ARHGAP32: variants seen among roughly 807,000 people sequenced by gnomAD.
ARHGAP32 encodes the protein rho GTPase-activating protein 32.
In ARHGAP32, 51 loss-of-function variants were observed where a neutral mutation model predicts 186.5. That is an observed-to-expected ratio of 0.27 (90% CI 0.22 to 0.35). The LOEUF is 0.35. Among genes scored for constraint, ARHGAP32 ranks in the 10% least tolerant of loss-of-function variants. The pLI is 1.00. For missense variants in ARHGAP32, 2,186 were observed against 2,623.5 expected (o/e 0.83, Z 3.64); for synonymous variants, 950 against 964.3 (o/e 0.99, Z 0.27).
chr11:128,982,905 A>G (rs1381632076), intron 15 of ARHGAP32, among the ~76,000 whole-genome samples: 12 of 150,926 alleles, frequency 8.0e-5, no homozygotes, highest in African/African-American at 2.9e-4. Flanking sequence ...AAAAAAAAAA[A>G]AAAAAAAAAA....
intron 6 of ARHGAP32, among the ~76,000 whole-genome samples, chr11:129,084,794 T>C (rs1354336467): frequency 6.6e-6 from 1 of 152,282 alleles, no homozygotes; most frequent in Non-Finnish European, 1.5e-5. Context: ...AGTATCAGAA[T>C]TCCTAGCTAA....
At chr11:129,090,313 T>C (rs184292318) in intron 6 of ARHGAP32, among the ~76,000 whole-genome samples, 1 of 152,296 alleles carries the variant, frequency 6.6e-6, no homozygotes, top group African/African-American at 2.4e-5. Flanking sequence ...ACAGGAGATA[T>C]TCTGAGGCAA....
chr11:129,131,703 T>G (rs572766860), intron 2 of ARHGAP32, among the ~76,000 whole-genome samples: 16 of 152,246 alleles, frequency 1.1e-4, no homozygotes, highest in African/African-American at 3.4e-4. Flanking sequence ...TAATTTGACA[T>G]GAGATTTGGA....
intron 2 of ARHGAP32, among the ~76,000 whole-genome samples, chr11:129,143,689 A>G (rs1342547019): frequency 6.6e-6 from 1 of 152,212 alleles, no homozygotes; most frequent in Non-Finnish European, 1.5e-5. Context: ...GTGCTTCTGT[A>G]AGTGAAAAGG....
intron 6 of ARHGAP32, among the ~76,000 whole-genome samples, chr11:129,081,013 G>A (rs1482331612): frequency 6.6e-6 from 1 of 151,938 alleles, no homozygotes; most frequent in Non-Finnish European, 1.5e-5. Flanking sequence ...AGAGGAGATG[G>A]ATACATTCCT....
At chr11:129,155,790 G>A (rs1382638527) in intron 2 of ARHGAP32, among the ~76,000 whole-genome samples, 1 of 152,190 alleles carries the variant, frequency 6.6e-6, no homozygotes, top group Non-Finnish European at 1.5e-5. Context: ...TGGCAAGATG[G>A]CCAAATAGGA....
intron 11 of ARHGAP32, among the ~76,000 whole-genome samples, chr11:129,013,887 C>T (rs1383792356): frequency 6.6e-6 from 1 of 152,100 alleles, no homozygotes. Flanking sequence ...TTTCTACTGA[C>T]GAAGGCAGGA....
chr11:129,212,705 T>C (rs1191296693), intron 1 of ARHGAP32, among the ~76,000 whole-genome samples: 1 of 152,186 alleles, frequency 6.6e-6, no homozygotes, highest in Admixed American at 6.5e-5. Context: ...TTACACTACA[T>C]AAATGAAATG....
chr11:129,044,883 T>C lies in ARHGAP32; in HGVS notation c.964-3874A>G, dbSNP rs941213166. 3.3e-5 allele frequency among the ~76,000 whole-genome samples: 5 copies of C among 151,422 alleles called. No individual in the cohort carries two copies. The South Asian group carries it at 8.4e-4, about 25-fold the overall frequency. ...CCTAGTTTCTAAGTTCGAGTATCTT[T>C]TGGCAAAAAAAAAAAAAAGTTTTCC... On this transcript the variant is annotated intron_variant, in intron 10 of 22. Transcript: ENST00000682385.
At chr11:129,020,879 A>G (rs1178452258) in intron 11 of ARHGAP32, among the ~76,000 whole-genome samples, 1 of 152,086 alleles carries the variant, frequency 6.6e-6, no homozygotes, top group African/African-American at 2.4e-5. Context: ...AATATATCAC[A>G]AACAACTTTG....
At position 129,218,942 on chromosome 11, in the gene ARHGAP32, A is replaced by G. The variant is rs146002201; in HGVS notation, c.-4-54515T>C. On this transcript the variant is annotated intron_variant, in intron 1 of 6. Transcript: ENST00000525234. ...GAGAAGAAACAGGAATTGAGCAAAG[A>G]AAGAAGTTGAACAGATGAACTTCAC... 4.7e-3 allele frequency among the ~76,000 whole-genome samples: 718 copies of G among 152,248 alleles called. 7 individuals carry two copies. The highest frequency in any genetic ancestry group is 0.033 in the South Asian group (161 of 4,816).
intron 11 of ARHGAP32, among the ~76,000 whole-genome samples, chr11:129,026,906 T>C (rs1050404387): frequency 6.6e-6 from 1 of 150,838 alleles, no homozygotes; most frequent in African/African-American, 2.4e-5. Flanking sequence ...GAGACCATCC[T>C]GGCTAACACA....
chr11:129,049,460 AC>A (rs774768923), intron 10 of ARHGAP32, among the ~76,000 whole-genome samples: 12 of 152,148 alleles, frequency 7.9e-5, no homozygotes, highest in Non-Finnish European at 1.5e-4. Flanking sequence ...TGAAACTATT[AC>A]CACAATCAAG....
At chr11:129,098,095 T>C (rs997576678) in intron 5 of ARHGAP32, among the ~76,000 whole-genome samples, 4 of 152,218 alleles carry the variant, frequency 2.6e-5, no homozygotes, top group Non-Finnish European at 5.9e-5. Context: ...GAGATGTTCC[T>C]AGATTTTAAA....
At chr11:129,128,892 T>G (rs572869514) in intron 2 of ARHGAP32, among the ~76,000 whole-genome samples, 163 of 152,302 alleles carry the variant, frequency 1.1e-3, no homozygotes, top group Non-Finnish European at 1.7e-3. Flanking sequence ...GTGCTCAATG[T>G]TGCCCAGGCT....
chr11:129,256,975 A>G (rs949210263), intron 1 of ARHGAP32, among the ~76,000 whole-genome samples: 2 of 152,172 alleles, frequency 1.3e-5, no homozygotes, highest in Admixed American at 1.3e-4. Flanking sequence ...AGGAGGAAAG[A>G]GAAATGGCTA....
At chr11:129,066,209 C>G (rs904009423) in intron 7 of ARHGAP32, among the ~76,000 whole-genome samples, 2 of 152,180 alleles carry the variant, frequency 1.3e-5, no homozygotes, top group Middle Eastern at 3.4e-3. Flanking sequence ...GCTATATTTA[C>G]TTTTCCCCAT....
chr11:129,113,573 G>T (rs557256071), intron 5 of ARHGAP32, among the ~76,000 whole-genome samples: 1 of 151,442 alleles, frequency 6.6e-6, no homozygotes, highest in Non-Finnish European at 1.5e-5. Context: ...TTTTTTTCCA[G>T]ATTTCTAGGC....
chr11:129,276,206 G>A (rs1020332192), intron 1 of ARHGAP32, among the ~76,000 whole-genome samples: 1 of 152,224 alleles, frequency 6.6e-6, no homozygotes, highest in African/African-American at 2.4e-5. Flanking sequence ...GTTCAAAATT[G>A]CAAGTACTAC....
Sources: allele counts gnomAD v4.1 joint callset (sites outside exome capture counted in the v4.1 genomes callset), GRCh38; gene constraint gnomAD v4.1.1; transcripts MANE v1.5; gene names NCBI Gene and HGNC (gene_info 2026-07-23, HGNC 2026-07-21).